CABLES2: variants seen among roughly 807,000 people sequenced by gnomAD.
CABLES2 encodes the protein CDK5 and ABL1 enzyme substrate 2.
In CABLES2, 35 loss-of-function variants were observed where a neutral mutation model predicts 44.8. The ratio of observed to expected loss-of-function variants is 0.78; its 90% CI spans 0.60 to 1.04. The LOEUF (loss-of-function observed/expected upper bound fraction) is 1.04, where lower values mean the gene tolerates loss of function less well. Ranked by LOEUF, CABLES2 falls within the 50% of genes least tolerant of loss-of-function variation. The probability of loss-of-function intolerance (pLI) is 0.00; values close to 1 mark genes in which losing one functional copy is unlikely to be tolerated. For missense variants in CABLES2, 566 were observed against 615.7 expected, an observed-to-expected ratio of 0.92 and a Z score of 0.85; for synonymous variants, 282 against 281.1, an observed-to-expected ratio of 1.00 and a Z score of -0.03.
At chr20:62,402,655 G>A (rs1988211151) in intron 1 of CABLES2, 1 of 152,268 alleles carries the variant, frequency 6.6e-6, no homozygotes, top group Admixed American at 6.5e-5. Flanking sequence ...GGGCACAGCT[G>A]TGGAATGCGT....
At chr20:62,397,994 GAT>G (rs1988066487) in intron 1 of CABLES2, among the ~76,000 whole-genome samples, 1 of 89,040 alleles carries the variant, frequency 1.1e-5, no homozygotes, top group Non-Finnish European at 2.4e-5. Context: ...CGGTGGTGGT[GAT>G]GATGGTGATG....
rs1163323092 is a variant in CABLES2, at chr20:62,396,248, CA to C, written c.527+66del. ...AGTGGAGGGAAGATTGCTTGGCTGA[CA>C]GGGGCAGGACCCCGTGGGCTTATGG... is the stretch of plus-strand genomic sequence containing the variant. On this transcript the variant is annotated intron_variant, in intron 3 of 9. Coordinates refer to ENST00000279101, the MANE Select transcript of CABLES2 (RefSeq NM_031215.3). The surrounding 1 kb of genome is among the most constrained non-coding windows in gnomAD (Gnocchi z 5.7). 21 of 1,353,694 alleles carry C rather than the reference CA, an allele frequency of 1.6e-5. No individual in the cohort carries two copies. The highest frequency in any genetic ancestry group is 2.1e-5 in the Non-Finnish European group (20 of 945,926). 83.9% of individuals were successfully genotyped at this position (1,353,694 alleles called of 1,614,324 possible).
intron 8 of CABLES2, among the ~76,000 whole-genome samples, chr20:62,392,074 A>G (rs1340458536): frequency 6.6e-6 from 1 of 151,962 alleles, no homozygotes; most frequent in Non-Finnish European, 1.5e-5. Context: ...AATAGCACAC[A>G]CTGGGAGGGG....
rs946398811 is a variant in CABLES2, at chr20:62,391,099, T to C, written c.1309A>G (p.Arg437Gly). ...AGGTCGCGCCTGTTGAATCGAAACC[T>C]TTCTTCTAACTTCTGCAGGGGAGAA... ...VTQLIDKLEE[R>G]FRFNRRDLIG... The change falls in exon 10 of 10, where the codon AGG (arginine) becomes GGG (glycine). Residue 437 changes from arginine (R) to glycine (G), a missense_variant. Coordinates refer to ENST00000279101, the MANE Select transcript of CABLES2 (RefSeq NM_031215.3). This position sits in a 1 kb window ranked among gnomAD's most constrained non-coding sequence, Gnocchi z 5.7. 3.7e-6 allele frequency: 6 copies of C among 1,613,942 alleles called. No individual in the cohort carries two copies. The highest frequency in any genetic ancestry group is 5.1e-6 in the Non-Finnish European group (6 of 1,180,020).
At chr20:62,398,278 G>A (rs562451175) in intron 1 of CABLES2, among the ~76,000 whole-genome samples, 15 of 142,122 alleles carry the variant, frequency 1.1e-4, no homozygotes, top group African/African-American at 3.9e-4. Flanking sequence ...TGGCGGTGGT[G>A]GTGGTGGTGA....
At chr20:62,403,956 G>C (rs1049950309) in intron 1 of CABLES2, 1 of 152,198 alleles carries the variant, frequency 6.6e-6, no homozygotes, top group Non-Finnish European at 1.5e-5. Flanking sequence ...CAGCACTTGG[G>C]AGGCCAAGAC....
chr20:62,397,382 T>TG (rs1306589885), intron 1 of CABLES2, among the ~76,000 whole-genome samples: 2 of 152,112 alleles, frequency 1.3e-5, no homozygotes, highest in Non-Finnish European at 2.9e-5. Flanking sequence ...CTCACTGCTG[T>TG]CCTTAGTGCC....
At position 62,388,790 on chromosome 20, in the gene CABLES2, A is replaced by G. The variant is rs756532904; in HGVS notation, c.*2181T>C. Reference sequence around the variant, plus strand: ...GAAGCAACGCCAGGCCTGGTTCTGTATAGTCACAGCCGAGCTGAACACCTT... The same window carrying G: ...GAAGCAACGCCAGGCCTGGTTCTGTGTAGTCACAGCCGAGCTGAACACCTT... On this transcript the variant is annotated 3_prime_UTR_variant, in exon 10 of 10. Transcript: ENST00000279101. The G allele has an allele frequency of 1.9e-5, 8 of 426,056 alleles. No individual in the cohort carries two copies. The highest frequency in any genetic ancestry group is 3.0e-5 in the Non-Finnish European group (7 of 234,584). The allele number at this position is 426,056 out of a possible 1,614,324, so 26.4% of individuals were successfully genotyped here. A position where few individuals can be genotyped will look rare whatever the true frequency, so the allele number is the denominator to read the frequency against.
rs1988318428 is a variant in CABLES2 at position 62,407,251 on chromosome 20, G to A, written c.26C>T (p.Ala9Val). ...GGCGGGGCCGGGGGCCGGGCCCGGG[G>A]CTCCACCGGCCGCGGCCGCGGCCAT... Reference protein sequence around the residue: MAAAAAGGAPGPAPGPAGP... With the variant: MAAAAAGGVPGPAPGPAGP... The change falls in exon 1 of 10, where the codon GCC becomes GTC. Residue 9 changes from alanine to valine, a missense_variant. Physicochemically the swap from Ala to Val is moderately conservative, Grantham distance 64. Coordinates refer to ENST00000279101, the MANE Select transcript of CABLES2 (RefSeq NM_031215.3). The A allele has an allele frequency of 4.3e-6, 3 of 691,578 alleles. No individual in the cohort carries two copies. The highest frequency in any genetic ancestry group is 5.3e-6 in the Non-Finnish European group (3 of 565,334). The allele number at this position is 691,578 out of a possible 1,614,324, so 42.8% of individuals were successfully genotyped here.
chr20:62,395,625 C>T (rs547720184), intron 3 of CABLES2, among the ~76,000 whole-genome samples: 99 of 152,356 alleles, frequency 6.5e-4, no homozygotes, highest in African/African-American at 2.3e-3. Flanking sequence ...ACCAGGGGGA[C>T]AACAGTGGGA....
Position 62,391,152 on chromosome 20 carries a change from CT to C in CABLES2, c.1297-42del, listed in dbSNP as rs753729471. On this transcript the variant is annotated intron_variant, in intron 9 of 9. Coordinates refer to ENST00000279101, the MANE Select transcript of CABLES2 (RefSeq NM_031215.3). This position sits in a 1 kb window ranked among gnomAD's most constrained non-coding sequence, Gnocchi z 5.7. ...GAGAAGGGTTACACGGGAGCCTTCCCTCTTCCACATTTCCCACCCGGCCAGC... is the reference window on the plus strand; with the variant it reads ...GAGAAGGGTTACACGGGAGCCTTCCCCTTCCACATTTCCCACCCGGCCAGC... The C allele has an allele frequency of 1.3e-5, 21 of 1,607,854 alleles. No homozygotes were observed. The East Asian group carries it at 4.7e-4, about 36-fold the overall frequency.
Position 62,391,474 on chromosome 20 carries a change from C to T in CABLES2, c.1092-21G>A, listed in dbSNP as rs375746106. 171 of 1,609,818 alleles carry T rather than the reference C, an allele frequency of 1.1e-4. No homozygotes were observed. The highest frequency in any genetic ancestry group is 1.0e-4 in the Non-Finnish European group (121 of 1,177,478). ...TTAAGCTGTGGGTTAAGACAGAAGCCATGTCCCTGGGGGCTCTGGCTGGGG... is the reference window on the plus strand; with the variant it reads ...TTAAGCTGTGGGTTAAGACAGAAGCTATGTCCCTGGGGGCTCTGGCTGGGG... On this transcript the variant is annotated intron_variant, in intron 8 of 9. Coordinates refer to ENST00000279101, the MANE Select transcript of CABLES2 (RefSeq NM_031215.3). The surrounding 1 kb of genome is among the most constrained non-coding windows in gnomAD (Gnocchi z 5.7).
intron 1 of CABLES2, among the ~76,000 whole-genome samples, chr20:62,397,100 T>G (rs1198053361): frequency 6.6e-6 from 1 of 152,180 alleles, no homozygotes; most frequent in Admixed American, 6.5e-5. Flanking sequence ...TGCAGCTCCC[T>G]GCACCAGCCA....
At chr20:62,395,321 G>C (rs889082252) in intron 3 of CABLES2, among the ~76,000 whole-genome samples, 1 of 152,212 alleles carries the variant, frequency 6.6e-6, no homozygotes, top group African/African-American at 2.4e-5. Context: ...GACCCAGTGC[G>C]GGTAGGGCTG....
At chr20:62,398,051 G>C (rs1209002199) in intron 1 of CABLES2, among the ~76,000 whole-genome samples, 4 of 144,288 alleles carry the variant, frequency 2.8e-5, no homozygotes, top group Non-Finnish European at 4.5e-5. Context: ...TGATGGTGGT[G>C]ATGGCGATGG....
rs146975578 is a variant in CABLES2, at chr20:62,406,968, C to T, written c.309G>A (p.Leu103=). 220,128 of 1,210,908 alleles carry T rather than the reference C, an allele frequency of 0.18. 21,283 individuals carry two copies. Among genetic ancestry groups the T allele is most frequent in the Middle Eastern group, 0.24 (751 of 3,088 alleles). 75.0% of individuals were successfully genotyped at this position (1,210,908 alleles called of 1,614,324 possible). Residue 103 remains leucine, a synonymous_variant, in exon 1 of 10, where the codon CTG becomes CTA. Coordinates refer to ENST00000279101, the MANE Select transcript of CABLES2 (RefSeq NM_031215.3). The part of the protein sequence containing the change: ...LPARTPAPQG[L]LSPTQVPTGL... ...CGGTGGGCACCTGCGTGGGGCTGAG[C>T]AGGCCCTGGGGCGCGGGGGTCCTGG...
chr20:62,394,506 C>T (rs1322460518), intron 4 of CABLES2, among the ~76,000 whole-genome samples: 1 of 152,192 alleles, frequency 6.6e-6, no homozygotes, highest in Non-Finnish European at 1.5e-5. Flanking sequence ...CCCGGGGTGG[C>T]GCCCACCTTC....
Position 62,397,905 on chromosome 20 carries a change from A to G in CABLES2, c.363-1313T>C, listed in dbSNP as rs1051162067. 4.4e-3 allele frequency among the ~76,000 whole-genome samples: 453 copies of G among 103,770 alleles called. 6 individuals carry two copies. The highest frequency in any genetic ancestry group is 0.014 in the African/African-American group (425 of 30,874). 68.1% of individuals were successfully genotyped at this position (103,770 alleles called of 152,430 possible). A position where few individuals can be genotyped will look rare whatever the true frequency, so the allele number is the denominator to read the frequency against. On this transcript the variant is annotated intron_variant, in intron 1 of 9. Coordinates refer to ENST00000279101, the MANE Select transcript of CABLES2 (RefSeq NM_031215.3). ...GGTGGTGGTGATGGCGGTGGTGGTG[A>G]TGGTGATGGCAGTGGTGATGGTGGT...
At chr20:62,395,681 C>T (rs1394552570) in intron 3 of CABLES2, among the ~76,000 whole-genome samples, 8 of 152,236 alleles carry the variant, frequency 5.3e-5, no homozygotes, top group Admixed American at 2.0e-4. Flanking sequence ...CCAGGGCTGG[C>T]ACTCACGTCT....
Sources: allele counts gnomAD v4.1 joint callset (sites outside exome capture counted in the v4.1 genomes callset), GRCh38; gene constraint gnomAD v4.1.1; non-coding constraint Gnocchi (gnomAD v3.1); transcripts MANE v1.5; gene names NCBI Gene and HGNC (gene_info 2026-07-23, HGNC 2026-07-21).